SCFD2: variants seen among roughly 807,000 people sequenced by gnomAD.
The protein encoded by SCFD2 is sec1 family domain-containing protein 2.
SCFD2 carries 54 observed loss-of-function variants against 58.9 expected under a neutral mutation model. The ratio of observed to expected loss-of-function variants is 0.92; its 90% CI spans 0.74 to 1.15. The LOEUF is 1.15. SCFD2 is among the 50% of genes most tolerant of loss of function. SCFD2 has a pLI of 0.00. For synonymous variants in SCFD2, 321 were observed against 335.9 expected, an observed-to-expected ratio of 0.96 and a Z score of 0.49; for missense variants, 805 against 836.6, an observed-to-expected ratio of 0.96 and a Z score of 0.47.
chr4:53,034,772 G>A (rs1438631235), intron 5 of SCFD2, among the ~76,000 whole-genome samples: 1 of 152,166 alleles, frequency 6.6e-6, no homozygotes, highest in Non-Finnish European at 1.5e-5. Context: ...TACAAGGGAT[G>A]TGAAGGACCT....
intron 4 of SCFD2, among the ~76,000 whole-genome samples, chr4:53,237,606 C>G (rs1729681815): frequency 8.6e-6 from 1 of 116,274 alleles, no homozygotes; most frequent in African/African-American, 3.3e-5. Context: ...CAGAGGCGCC[C>G]CTCACCTCCC....
At chr4:53,254,992 C>A (rs914945633) in intron 4 of SCFD2, among the ~76,000 whole-genome samples, 2 of 150,494 alleles carry the variant, frequency 1.3e-5, no homozygotes, top group Non-Finnish European at 3.0e-5. Flanking sequence ...CCTGCCTCAG[C>A]CTCCCCAGCA....
intron 4 of SCFD2, among the ~76,000 whole-genome samples, chr4:53,149,771 A>T (rs1379676423): frequency 6.6e-6 from 1 of 152,176 alleles, no homozygotes; most frequent in Non-Finnish European, 1.5e-5. Flanking sequence ...TATCTTCCCC[A>T]GAACCCATAA....
chr4:53,151,218 T>C (rs1726495797), intron 4 of SCFD2, among the ~76,000 whole-genome samples: 1 of 152,204 alleles, frequency 6.6e-6, no homozygotes, highest in South Asian at 2.1e-4. Context: ...TAAACATTAT[T>C]AAACACTGCC....
chr4:53,319,102 T>G (rs1560444882), intron 2 of SCFD2, among the ~76,000 whole-genome samples: 1 of 152,224 alleles, frequency 6.6e-6, no homozygotes, highest in Non-Finnish European at 1.5e-5. Context: ...TTTTTCACTT[T>G]TCATGTTGGT....
chr4:53,200,948 A>C (rs1227943303), intron 4 of SCFD2, among the ~76,000 whole-genome samples: 2 of 152,060 alleles, frequency 1.3e-5, no homozygotes, highest in Admixed American at 6.6e-5. Context: ...AAGTTCAAGT[A>C]TTTCATGGAG....
At chr4:53,345,283 A>C (rs1328710789) in intron 2 of SCFD2, among the ~76,000 whole-genome samples, 1 of 152,234 alleles carries the variant, frequency 6.6e-6, no homozygotes, top group East Asian at 1.9e-4. Context: ...AAAAGTGGGC[A>C]ACGGATATGA....
At chr4:53,298,987 GA>G (rs1732160428) in intron 3 of SCFD2, among the ~76,000 whole-genome samples, 1 of 152,132 alleles carries the variant, frequency 6.6e-6, no homozygotes, top group African/African-American at 2.4e-5. Context: ...AAACCACAAA[GA>G]TGGGGAAAAA....
At chr4:52,876,428 C>T (rs1016844285) in intron 8 of SCFD2, among the ~76,000 whole-genome samples, 1 of 152,050 alleles carries the variant, frequency 6.6e-6, no homozygotes, top group African/African-American at 2.4e-5. Context: ...TTCATGAACT[C>T]CTAGGAATTC....
intron 5 of SCFD2, among the ~76,000 whole-genome samples, chr4:52,964,709 CACAT>C (rs1255946924): frequency 6.6e-6 from 1 of 151,698 alleles, no homozygotes; most frequent in African/African-American, 2.4e-5. Context: ...CACACACACA[CACAT>C]ACACAAGGAC....
At chr4:53,335,381 T>C (rs1733651525) in intron 2 of SCFD2, among the ~76,000 whole-genome samples, 1 of 152,116 alleles carries the variant, frequency 6.6e-6, no homozygotes, top group South Asian at 2.1e-4. Context: ...AGATCATCAA[T>C]GTTATGGGAA....
chr4:53,308,667 G>C (rs192460319), intron 3 of SCFD2, among the ~76,000 whole-genome samples: 179 of 152,236 alleles, frequency 1.2e-3, no homozygotes, highest in African/African-American at 4.1e-3. Flanking sequence ...ACAGGAAGTA[G>C]AACACTCTCA....
intron 4 of SCFD2, among the ~76,000 whole-genome samples, chr4:53,200,460 A>C (rs1728194609): frequency 6.6e-6 from 1 of 152,112 alleles, no homozygotes; most frequent in South Asian, 2.1e-4. Context: ...AAATGAAAAA[A>C]ATTGCCATAG....
intron 4 of SCFD2, among the ~76,000 whole-genome samples, chr4:53,217,528 A>G (rs1389651659): frequency 1.3e-5 from 2 of 152,114 alleles, no homozygotes; most frequent in African/African-American, 4.8e-5. Context: ...TTTTGAGCCT[A>G]TGTGTGTCTC....
At chr4:53,054,435 C>T (rs374550297) in intron 5 of SCFD2, among the ~76,000 whole-genome samples, 5 of 152,116 alleles carry the variant, frequency 3.3e-5, no homozygotes, top group Non-Finnish European at 7.3e-5. Context: ...TAAGTCCTGT[C>T]ATGGTGCCTA....
intron 4 of SCFD2, among the ~76,000 whole-genome samples, chr4:53,252,322 C>T (rs1379649600): frequency 6.7e-6 from 1 of 149,952 alleles, no homozygotes; most frequent in Admixed American, 6.7e-5. Flanking sequence ...AGGTAATTTA[C>T]AGATTCAGTG....
rs551198511 is a variant in SCFD2, at chr4:53,158,294, A to T, written c.1312-12712T>A. On this transcript the variant is annotated intron_variant, in intron 4 of 8. Transcript: ENST00000401642. The stretch of plus-strand genomic sequence containing the variant: ...AATCTGCATAATAATATAACACGTA[A>T]ATACATATCTCCAGCCAAATTTCTC... 3.9e-5 allele frequency among the ~76,000 whole-genome samples: 6 copies of T among 152,298 alleles called. No individual in the cohort carries two copies. The South Asian group carries it at 1.2e-3, about 32-fold the overall frequency.
chr4:52,914,745 T>C (rs1719563566), intron 6 of SCFD2, among the ~76,000 whole-genome samples: 1 of 152,174 alleles, frequency 6.6e-6, no homozygotes, highest in Admixed American at 6.5e-5. Context: ...ATATGTAATA[T>C]TGATATATTT....
chr4:53,303,562 G>T (rs1732407120), intron 3 of SCFD2, among the ~76,000 whole-genome samples: 2 of 152,112 alleles, frequency 1.3e-5, no homozygotes, highest in Non-Finnish European at 2.9e-5. Context: ...CAGGGATCTA[G>T]AACTTGAAAT....
Sources: allele counts gnomAD v4.1 joint callset (sites outside exome capture counted in the v4.1 genomes callset), GRCh38; gene constraint gnomAD v4.1.1; transcripts MANE v1.5; gene names NCBI Gene and HGNC (gene_info 2026-07-23, HGNC 2026-07-21).